NPC1L1: variants seen among roughly 807,000 people sequenced by gnomAD.
The protein encoded by NPC1L1 is NPC1-like intracellular cholesterol transporter 1.
Under a neutral mutation model 117.0 loss-of-function variants are expected in NPC1L1, and 98 were observed. The observed-to-expected ratio is 0.84, with a 90% confidence interval of 0.71 to 0.99. NPC1L1 has a LOEUF of 0.99. NPC1L1 is among the 50% of genes least tolerant of loss of function. The pLI, the probability that NPC1L1 is intolerant of heterozygous loss-of-function variation, is 0.00. For missense variants in NPC1L1, 1,540 were observed against 1,710.0 expected (o/e 0.90, Z 1.75); for synonymous variants, 729 against 727.6 (o/e 1.00, Z -0.03).
rs756456316 is a variant in NPC1L1 at position 44,539,160 on chromosome 7, T to C, written c.1237A>G (p.Thr413Ala). 1.9e-6 allele frequency: 3 copies of C among 1,613,900 alleles called. No individual in the cohort carries two copies. The highest frequency in any genetic ancestry group is 1.3e-5 in the African/African-American group (1 of 74,870). Residue 413 changes from threonine to alanine, a missense_variant, in exon 2 of 19, where the codon ACG (threonine) becomes GCG (alanine). By Grantham distance (58) the Thr-to-Ala change is moderately conservative. Coordinates refer to ENST00000381160, the MANE Select transcript of NPC1L1 (RefSeq NM_001101648.2). This position sits in a 1 kb window ranked among gnomAD's most constrained non-coding sequence, Gnocchi z 4.4. ...PFFRTNQVIL[T>A]APNRSSYRYD... ...CTGTAGCTGGACCGGTTAGGAGCCG[T>C]CAGGATCACCTGGTTGGTTCGGAAG...
chr7:44,537,743 C>T (rs569095783), intron 2 of NPC1L1, among the ~76,000 whole-genome samples: 11 of 152,264 alleles, frequency 7.2e-5, no homozygotes, highest in Admixed American at 1.3e-4. Flanking sequence ...TGTGAGCATC[C>T]GAAGTCAAAA....
chr7:44,534,645 G>T lies in NPC1L1; in HGVS notation c.1984-16C>A. 1 of 1,613,380 alleles carries T rather than the reference G, an allele frequency of 6.2e-7. No individual in the cohort carries two copies. Among genetic ancestry groups the T allele is most frequent in the Non-Finnish European group, 8.5e-7 (1 of 1,179,814 alleles). On this transcript the variant is annotated splice_polypyrimidine_tract_variant and intron_variant, in intron 5 of 18. Transcript: ENST00000381160. The surrounding 1 kb of genome is among the most constrained non-coding windows in gnomAD (Gnocchi z 5.2). ...TGGAGTCCACCTGCAATGCAAACAGGCTCAGCCCCCTAGCCACTTAGCACC... is the reference window on the plus strand; with the variant it reads ...TGGAGTCCACCTGCAATGCAAACAGTCTCAGCCCCCTAGCCACTTAGCACC...
chr7:44,522,757 A>T (rs749419984), intron 10 of NPC1L1, among the ~76,000 whole-genome samples: 51 of 152,212 alleles, frequency 3.4e-4, no homozygotes, highest in Non-Finnish European at 8.8e-5. Context: ...CTATCACCTC[A>T]CATGAACACA....
chr7:44,522,302 A>C (rs217420), intron 10 of NPC1L1, 60 bp from the exon 11 acceptor site: 345,280 of 1,495,854 alleles, frequency 0.23, 42,333 homozygotes, highest in African/African-American at 0.26. Flanking sequence ...AAAGGGCTCA[A>C]TCCAGCTCAC....
At chr7:44,540,464 T>A in intron 1 of NPC1L1, 122 bp from the exon 2 acceptor site, 1 of 874,438 alleles carries the variant, frequency 1.1e-6, no homozygotes, top group Non-Finnish European at 1.8e-6. Flanking sequence ...AAGCGGGGAG[T>A]GTGGGGAGTA....
At chr7:44,533,385 G>A (rs763371510) in intron 8 of NPC1L1, 46 bp downstream of exon 8, 99 of 1,611,628 alleles carry the variant, frequency 6.1e-5, no homozygotes, top group African/African-American at 9.4e-5. Flanking sequence ...CTGCCATGGT[G>A]GGAACCCAGG....
Position 44,536,231 on chromosome 7 carries a change from G to A in NPC1L1, c.1854+25C>T, listed in dbSNP as rs1254587220. 2 of 1,612,356 alleles carry A rather than the reference G, an allele frequency of 1.2e-6. No homozygotes were observed. Among genetic ancestry groups the A allele is most frequent in the African/African-American group, 2.7e-5 (2 of 74,868 alleles). The stretch of plus-strand genomic sequence containing the variant: ...CAAGACCACCTGGGTTGCACCCCCA[G>A]AGCCAGGGACCCTGCAGCCCCTACC... On this transcript the variant is annotated intron_variant, in intron 4 of 18. Coordinates refer to ENST00000381160, the MANE Select transcript of NPC1L1 (RefSeq NM_001101648.2). This position sits in a 1 kb window ranked among gnomAD's most constrained non-coding sequence, Gnocchi z 4.7.
intron 18 of NPC1L1, among the ~76,000 whole-genome samples, chr7:44,515,019 T>C (rs1042098979): frequency 4.1e-5 from 6 of 146,592 alleles, no homozygotes; most frequent in Admixed American, 3.4e-4. Context: ...TCTCAAAAAA[T>C]AAAAATAAAA....
Position 44,534,366 on chromosome 7 carries a change from C to T in NPC1L1, c.2166+81G>A, listed in dbSNP as rs774537829. ...TCTGCAGGGAGACCCAGCAAATTCA[C>T]GCCAGAGTCCCATCAGGCCAGGAGG... On this transcript the variant is annotated intron_variant, in intron 6 of 18. Transcript: ENST00000381160. This position sits in a 1 kb window ranked among gnomAD's most constrained non-coding sequence, Gnocchi z 5.2. 26 of 1,417,880 alleles carry T rather than the reference C, an allele frequency of 1.8e-5. No individual in the cohort carries two copies. The highest frequency in any genetic ancestry group is 5.8e-5 in the South Asian group (5 of 86,714). The allele number at this position is 1,417,880 out of a possible 1,614,324, so 87.8% of individuals were successfully genotyped here. A position where few individuals can be genotyped will look rare whatever the true frequency, so the allele number is the denominator to read the frequency against.
intron 8 of NPC1L1, 34 bp from the exon 9 acceptor site, chr7:44,532,251 A>C: frequency 6.2e-7 from 1 of 1,612,198 alleles, no homozygotes; most frequent in Non-Finnish European, 8.5e-7. Flanking sequence ...AGGTAGTCCC[A>C]GAGCAGACAA....
intron 9 of NPC1L1, 94 bp downstream of exon 9, chr7:44,531,986 G>T: frequency 1.3e-6 from 2 of 1,587,526 alleles, no homozygotes; most frequent in Non-Finnish European, 8.6e-7. Context: ...TCAGCATTTG[G>T]GCCTAGGCAA....
chr7:44,526,717 T>A (rs919122027), intron 10 of NPC1L1, among the ~76,000 whole-genome samples: 4 of 151,670 alleles, frequency 2.6e-5, no homozygotes, highest in Non-Finnish European at 4.4e-5. Flanking sequence ...CTCAAAAAAA[T>A]TGTTTTAATT....
intron 10 of NPC1L1, among the ~76,000 whole-genome samples, chr7:44,524,376 T>C (rs534124541): frequency 6.6e-6 from 1 of 152,164 alleles, no homozygotes; most frequent in African/African-American, 2.4e-5. Flanking sequence ...AAGAAAAACA[T>C]GGCCCATTCA....
chr7:44,516,477 G>A (rs567324459), intron 16 of NPC1L1, among the ~76,000 whole-genome samples: 4 of 151,912 alleles, frequency 2.6e-5, no homozygotes, highest in South Asian at 2.1e-4. Context: ...GCAGTGGCAC[G>A]TGCCTGTAGT....
At position 44,539,099 on chromosome 7, in the gene NPC1L1, C is replaced by A. The variant is rs760316720; in HGVS notation, c.1298G>T (p.Ser433Ile). 6.2e-7 allele frequency: 1 copy of A among 1,614,106 alleles called. No individual in the cohort carries two copies. The change falls in exon 2 of 19, where the codon AGC becomes ATC. Residue 433 changes from serine (S) to isoleucine (I), a missense_variant. By Grantham distance (142) the Ser-to-Ile change is moderately radical. Around this residue, in one of 3 missense-constraint regions of NPC1L1, gnomAD observed 793 missense variants for 820.4 expected, o/e 0.97. Coordinates refer to ENST00000381160, the MANE Select transcript of NPC1L1 (RefSeq NM_001101648.2). The surrounding 1 kb of genome is among the most constrained non-coding windows in gnomAD (Gnocchi z 4.4). Reference sequence around the variant, plus strand: ...CAGCAAGTCCAGGTCCAGGATTCCGCTGAAGTTCTTGGGCCCCAGCAGCAG... The same window carrying A: ...CAGCAAGTCCAGGTCCAGGATTCCGATGAAGTTCTTGGGCCCCAGCAGCAG... ...DSLLLGPKNF[S>I]GILDLDLLLE... is the part of the protein sequence containing the mutation.
In NPC1L1 at chr7:44,536,777, C is replaced by T. The variant is rs894994206; in HGVS notation, c.1681+65G>A. On this transcript the variant is annotated intron_variant, in intron 3 of 18. Transcript: ENST00000381160. The surrounding 1 kb of genome is among the most constrained non-coding windows in gnomAD (Gnocchi z 4.7). ...ATCCCCAGCACCACTCCCACCCTCC[C>T]GTCTATGGTTCCTGCCCCAATACTG... 3.3e-5 allele frequency: 47 copies of T among 1,426,662 alleles called. No individual in the cohort carries two copies. Among genetic ancestry groups the T allele is most frequent in the African/African-American group, 5.6e-5 (4 of 71,016 alleles). 88.4% of individuals were successfully genotyped at this position (1,426,662 alleles called of 1,614,324 possible). A position where few individuals can be genotyped will look rare whatever the true frequency, so the allele number is the denominator to read the frequency against.
In NPC1L1 at chr7:44,516,762, C is replaced by T. The variant is rs370523161; in HGVS notation, c.3460G>A (p.Gly1154Ser). 13 of 1,613,716 alleles carry T rather than the reference C, an allele frequency of 8.1e-6. 1 individual carries two copies. Among genetic ancestry groups the T allele is most frequent in the South Asian group, 7.7e-5 (7 of 90,972 alleles). ...CTGATGCCCCACAGGGCCATGAAGC[C>T]GACAGTGTCCACGAGGATCATGACA... is the stretch of plus-strand genomic sequence containing the variant. ...SIVMILVDTV[G>S]FMALWGISYN... The change falls in exon 16 of 19, where the codon GGC becomes AGC. Residue 1154 changes from glycine to serine, a missense_variant. By Grantham distance (56) the Gly-to-Ser change is moderately conservative (BLOSUM62 0). This residue lies in a region of NPC1L1 where 742 missense variants were observed against 873.6 expected (regional missense o/e 0.85). Transcript: ENST00000381160.
chr7:44,521,952 C>T, intron 11 of NPC1L1, 100 bp downstream of exon 11: 1 of 1,594,470 alleles, frequency 6.3e-7, no homozygotes, highest in Non-Finnish European at 8.6e-7. Context: ...GGCAGCAGGG[C>T]AGCAGGACAG....
Position 44,516,033 on chromosome 7 carries a change from G to A in NPC1L1, c.3633+51C>T. The A allele has an allele frequency of 1.9e-6, 3 of 1,608,430 alleles. No individual in the cohort carries two copies. The South Asian group carries it at 3.3e-5, about 18-fold the overall frequency. ...CAGGCAGGGCACAGGGCATCAGGCA[G>A]GGCACAGGGTGTCGAGTGGGGCACA... is the stretch of plus-strand genomic sequence containing the variant. On this transcript the variant is annotated intron_variant, in intron 17 of 18. Coordinates refer to ENST00000381160, the MANE Select transcript of NPC1L1 (RefSeq NM_001101648.2).
Sources: gnomAD v4.1 joint callset for allele counts (sites outside exome capture counted in the v4.1 genomes callset) on GRCh38, gnomAD v4.1.1 for gene constraint, gnomAD v4.1.1 regional missense constraint, Gnocchi (gnomAD v3.1) non-coding constraint, MANE v1.5 for transcripts, NCBI Gene and HGNC (gene_info 2026-07-23, HGNC 2026-07-21) for gene names.